Variants in GRIN2B observed in about 807,000 individuals in gnomAD.
The protein encoded by GRIN2B is glutamate receptor ionotropic, NMDA 2B.
GRIN2B carries 5 observed loss-of-function variants against 114.5 expected under a neutral mutation model. The observed-to-expected ratio is 0.04, with a 90% CI of 0.02 to 0.09. The LOEUF (loss-of-function observed/expected upper bound fraction) is 0.09, where lower values mean the gene tolerates loss of function less well. Among genes scored for constraint, GRIN2B ranks in the 10% least tolerant of loss-of-function variants. The pLI is 1.00. For missense variants in GRIN2B, 1,108 were observed against 1,943.5 expected (o/e 0.57, Z 8.08); for synonymous variants, 787 against 745.1 (o/e 1.06, Z -0.92).
In GRIN2B at chr12:13,607,385, AT is replaced by A. The variant is rs1185037697; in HGVS notation, c.2010+1217del. Among the ~76,000 whole-genome samples the A allele has an allele frequency of 5.3e-3, 365 of 69,116 alleles. 13 individuals carry two copies. Among genetic ancestry groups the A allele is most frequent in the Non-Finnish European group, 8.3e-3 (325 of 38,972 alleles). The allele number at this position is 69,116 out of a possible 152,430, so 45.3% of individuals were successfully genotyped here. ...ATATATATTATATATTATATATATA[AT>A]ATATATTATATATAATATATAAAAT... On this transcript the variant is annotated intron_variant, in intron 10 of 13. Transcript: ENST00000609686.
intron 5 of GRIN2B, among the ~76,000 whole-genome samples, chr12:13,622,459 A>G (rs1949527439): frequency 6.6e-6 from 1 of 152,124 alleles, no homozygotes; most frequent in Admixed American, 6.5e-5. Context: ...CCCCACCCCC[A>G]AAGCTATACA....
intron 3 of GRIN2B, among the ~76,000 whole-genome samples, chr12:13,763,636 C>A (rs1283952115): frequency 6.6e-6 from 1 of 152,138 alleles, no homozygotes; most frequent in Non-Finnish European, 1.5e-5. Context: ...ATTACTTTGT[C>A]AAACTCCTGC....
At chr12:13,794,077 G>A (rs1370654564) in intron 3 of GRIN2B, among the ~76,000 whole-genome samples, 1 of 148,892 alleles carries the variant, frequency 6.7e-6, no homozygotes, top group Non-Finnish European at 1.5e-5. Flanking sequence ...AAATTATCCA[G>A]GTGTCGTAAC....
At chr12:13,939,134 G>A (rs1022394132) in intron 2 of GRIN2B, among the ~76,000 whole-genome samples, 2 of 152,106 alleles carry the variant, frequency 1.3e-5, no homozygotes, top group Non-Finnish European at 2.9e-5. Context: ...CAACTTTGTT[G>A]ATCTTCAGTA....
At chr12:13,897,769 AATAG>A in intron 2 of GRIN2B, among the ~76,000 whole-genome samples, 1 of 152,240 alleles carries the variant, frequency 6.6e-6, no homozygotes, top group African/African-American at 2.4e-5. Context: ...GAGATGGATG[AATAG>A]ATATTTAGAT....
chr12:13,606,982 A>T (rs2136465215), intron 10 of GRIN2B, among the ~76,000 whole-genome samples: 1 of 150,328 alleles, frequency 6.7e-6, no homozygotes, highest in South Asian at 2.1e-4. Context: ...GAAACAGATA[A>T]CACAAAGGGG....
In GRIN2B at chr12:13,980,076, A is replaced by G. The variant is rs200889354; in HGVS notation, c.-167T>C. 2.0e-5 allele frequency: 3 copies of G among 152,238 alleles called. No homozygotes were observed. Among genetic ancestry groups the G allele is most frequent in the Admixed American group, 6.5e-5 (1 of 15,286 alleles). The allele number at this position is 152,238 out of a possible 1,614,324, so 9.4% of individuals were successfully genotyped here. A position where few individuals can be genotyped will look rare whatever the true frequency, so the allele number is the denominator to read the frequency against. ...GATAATTTAAAATCCAATTTAGCGT[A>G]AATTTTGTTTTAATCTTGTGTCTTG... On this transcript the variant is annotated 5_prime_UTR_variant, in exon 2 of 14. Coordinates refer to ENST00000609686, the MANE Select transcript of GRIN2B (RefSeq NM_000834.5).
chr12:13,688,788 T>C (rs1333443744), intron 4 of GRIN2B, among the ~76,000 whole-genome samples: 1 of 152,188 alleles, frequency 6.6e-6, no homozygotes, highest in Non-Finnish European at 1.5e-5. Flanking sequence ...AATACAATAT[T>C]AAAGTATTTC....
intron 3 of GRIN2B, among the ~76,000 whole-genome samples, chr12:13,834,197 A>ATTTT (rs756189402): frequency 1.8e-5 from 2 of 111,520 alleles, no homozygotes; most frequent in African/African-American, 7.3e-5. Flanking sequence ...CGCCTGGCTA[A>ATTTT]TTTTTTTTTT....
In GRIN2B at chr12:13,753,544, C is replaced by T. The variant is rs944359941; in HGVS notation, c.783G>A (p.Leu261=). Residue 261 remains leucine (L), a synonymous_variant, in exon 4 of 14, where the codon CTG becomes CTA. Transcript: ENST00000609686. This position sits in a 1 kb window ranked among gnomAD's most constrained non-coding sequence, Gnocchi z 6.2. ...GYGYTWIVPS[L]VAGDTDTVPA... ...GCACTGTGTCTGTATCCCCTGCCAC[C>T]AGACTGGGCACGATCCACGTGTAGC... The T allele has an allele frequency of 6.2e-7, 1 of 1,614,104 alleles. No homozygotes were observed. Among genetic ancestry groups the T allele is most frequent in the African/African-American group, 1.3e-5 (1 of 74,946 alleles).
At chr12:13,825,024 ATTGT>A (rs772267050) in intron 3 of GRIN2B, among the ~76,000 whole-genome samples, 6 of 151,958 alleles carry the variant, frequency 3.9e-5, no homozygotes, top group Admixed American at 6.6e-5. Flanking sequence ...CAGATCATTG[ATTGT>A]TTATCTTCCT....
Position 13,615,753 on chromosome 12 carries a change from C to G in GRIN2B, c.1329-89G>C, listed in dbSNP as rs972207917. On this transcript the variant is annotated intron_variant, in intron 6 of 13. Coordinates refer to ENST00000609686, the MANE Select transcript of GRIN2B (RefSeq NM_000834.5). The surrounding 1 kb of genome is among the most constrained non-coding windows in gnomAD (Gnocchi z 5.8). ...ATTACCCTTTGCCATTAAAAAACCT[C>G]CAATCCCAAAGCAGGCCCCCTTCAC... 9.8e-6 allele frequency: 11 copies of G among 1,126,664 alleles called. No homozygotes were observed. The highest frequency in any genetic ancestry group is 1.5e-5 in the African/African-American group (1 of 65,562). The allele number at this position is 1,126,664 out of a possible 1,614,324, so 69.8% of individuals were successfully genotyped here.
chr12:13,807,629 G>A (rs950476890), intron 3 of GRIN2B, among the ~76,000 whole-genome samples: 4 of 149,882 alleles, frequency 2.7e-5, no homozygotes, highest in African/African-American at 7.3e-5. Context: ...GTCATTTAGC[G>A]TCCCTGTTCT....
chr12:13,981,753 G>A (rs1353239867), upstream of GRIN2B, among the ~76,000 whole-genome samples: 2 of 151,786 alleles, frequency 1.3e-5, no homozygotes, highest in African/African-American at 4.8e-5. Context: ...CGCGGCAGCC[G>A]GAGAGGGAGA....
At chr12:13,849,342 C>T (rs1452453000) in intron 3 of GRIN2B, among the ~76,000 whole-genome samples, 5 of 152,072 alleles carry the variant, frequency 3.3e-5, no homozygotes, top group Non-Finnish European at 5.9e-5. Flanking sequence ...CTGTCACAGC[C>T]GTTGGACAAC....
intron 3 of GRIN2B, among the ~76,000 whole-genome samples, chr12:13,832,378 T>C (rs571710879): frequency 1.3e-5 from 2 of 152,308 alleles, no homozygotes; most frequent in East Asian, 3.9e-4. Context: ...TCCTCTGAAA[T>C]ATACCACATC....
At chr12:13,694,738 TCTC>T (rs1371073792) in intron 4 of GRIN2B, among the ~76,000 whole-genome samples, 1 of 139,684 alleles carries the variant, frequency 7.2e-6, no homozygotes, top group Non-Finnish European at 1.5e-5. Flanking sequence ...TATCCACTCT[TCTC>T]CTCTATTTTA....
chr12:13,588,926 T>C (rs2136437469), intron 10 of GRIN2B, among the ~76,000 whole-genome samples: 1 of 152,292 alleles, frequency 6.6e-6, no homozygotes, highest in Middle Eastern at 3.4e-3. Flanking sequence ...AAAGAGGAAA[T>C]TCCTCTGTTG....
chr12:13,693,673 AT>A (rs1950233397), intron 4 of GRIN2B, among the ~76,000 whole-genome samples: 1 of 152,120 alleles, frequency 6.6e-6, no homozygotes, highest in Middle Eastern at 3.2e-3. Context: ...CATAGTATGC[AT>A]TTTAAATCTC....
Sources: gnomAD v4.1 joint callset for allele counts (sites outside exome capture counted in the v4.1 genomes callset) on GRCh38, gnomAD v4.1.1 for gene constraint, Gnocchi (gnomAD v3.1) non-coding constraint, MANE v1.5 for transcripts, NCBI Gene and HGNC (gene_info 2026-07-23, HGNC 2026-07-21) for gene names.